Variants in CASK observed in about 807,000 individuals in gnomAD.
The protein encoded by CASK is calcium/calmodulin dependent serine protein kinase.
A neutral mutation model predicts 82.9 loss-of-function variants in CASK; 4 were observed. The ratio of observed to expected loss-of-function variants is 0.05; its 90% CI spans 0.02 to 0.11. The LOEUF is 0.11. Ranked by LOEUF, CASK falls within the 10% of genes least tolerant of loss-of-function variation. The probability of loss-of-function intolerance (pLI) is 1.00; values close to 1 mark genes in which losing one functional copy is unlikely to be tolerated. For missense variants in CASK, 358 were observed against 720.9 expected, an observed-to-expected ratio of 0.50 and a Z score of 5.76; for synonymous variants, 259 against 253.5, an observed-to-expected ratio of 1.02 and a Z score of -0.20.
chrX:41,547,226 G>A (rs1408144361), intron 21 of CASK, among the ~76,000 whole-genome samples: 1 of 112,116 alleles, frequency 8.9e-6, no homozygotes, highest in Non-Finnish European at 1.9e-5. Context: ...GAGCCACTGC[G>A]CCTGGCTTTA....
chrX:41,722,299 C>T (rs2068181053), intron 5 of CASK, among the ~76,000 whole-genome samples: 1 of 112,081 alleles, frequency 8.9e-6, no homozygotes, highest in South Asian at 3.7e-4. Flanking sequence ...ATTTACCCGT[C>T]CCACACTGAT....
chrX:41,636,913 A>G (rs1273627821), intron 8 of CASK, among the ~76,000 whole-genome samples: 1 of 111,438 alleles, frequency 9.0e-6, no homozygotes, highest in Non-Finnish European at 1.9e-5. Flanking sequence ...TTTCATATAT[A>G]TGGCTATGTG....
At chrX:41,532,490 C>T (rs894633920) in intron 24 of CASK, among the ~76,000 whole-genome samples, 3 of 111,792 alleles carry the variant, frequency 2.7e-5, no homozygotes, top group Admixed American at 1.9e-4. Flanking sequence ...GACCAGTATC[C>T]TGCAAAACAC....
chrX:41,609,082 T>TGTACATATA (rs2066000990), intron 12 of CASK, among the ~76,000 whole-genome samples: 1 of 112,217 alleles, frequency 8.9e-6, no homozygotes, highest in Non-Finnish European at 1.9e-5. Flanking sequence ...CCTGCTAGGC[T>TGTACATATA]CTGTTGCATT....
At chrX:41,734,343 G>A (rs1240903011) in intron 5 of CASK, among the ~76,000 whole-genome samples, 3 of 111,719 alleles carry the variant, frequency 2.7e-5, no homozygotes, top group Non-Finnish European at 5.6e-5. Flanking sequence ...AGTTAGGAGA[G>A]AGGAGAAAAT....
chrX:41,777,703 A>G (rs1488390856), intron 3 of CASK, among the ~76,000 whole-genome samples: 1 of 111,164 alleles, frequency 9.0e-6, no homozygotes, highest in East Asian at 2.8e-4. Context: ...CTTGGGTTAT[A>G]GTTACATGGT....
intron 5 of CASK, chrX:41,683,345 A>G (rs992596628): frequency 9.0e-6 from 1 of 111,635 alleles, no homozygotes; most frequent in Non-Finnish European, 1.9e-5. Context: ...ATTGATGCCA[A>G]ACTTCATGTG....
intron 26 of CASK, among the ~76,000 whole-genome samples, chrX:41,521,500 A>G (rs997908042): frequency 8.9e-6 from 1 of 112,328 alleles, no homozygotes; most frequent in Middle Eastern, 4.2e-3. Context: ...TGTAAGAGGG[A>G]TCCAACAGGA....
At chrX:41,906,203 T>C (rs1401219289) in intron 1 of CASK, among the ~76,000 whole-genome samples, 1 of 112,239 alleles carries the variant, frequency 8.9e-6, no homozygotes, top group African/African-American at 3.2e-5. Flanking sequence ...GATTCAACTA[T>C]ATACTGAACA....
chrX:41,751,147 A>G (rs1245842214), intron 3 of CASK, among the ~76,000 whole-genome samples: 1 of 112,022 alleles, frequency 8.9e-6, no homozygotes, highest in African/African-American at 3.2e-5. Flanking sequence ...CAGGGGCACA[A>G]TCATGGCTCA....
chrX:41,901,802 G>C (rs2072386637), intron 1 of CASK, among the ~76,000 whole-genome samples: 1 of 112,064 alleles, frequency 8.9e-6, no homozygotes, highest in Admixed American at 9.4e-5. Flanking sequence ...GTATTCACAG[G>C]GGCCAGTGTG....
chrX:41,834,511 T>C (rs1318365644), intron 2 of CASK, among the ~76,000 whole-genome samples: 1 of 111,888 alleles, frequency 8.9e-6, no homozygotes, highest in Admixed American at 9.5e-5. Context: ...AGTTGCCTGT[T>C]AATCAAACTG....
At chrX:41,813,113 C>T (rs1423000602) in intron 2 of CASK, among the ~76,000 whole-genome samples, 1 of 111,625 alleles carries the variant, frequency 9.0e-6, no homozygotes, top group Admixed American at 9.5e-5. Flanking sequence ...AATGGAAGAA[C>T]ATTCCATGCT....
chrX:41,874,786 C>T (rs1429226218), intron 1 of CASK, among the ~76,000 whole-genome samples: 1 of 112,389 alleles, frequency 8.9e-6, no homozygotes, highest in Non-Finnish European at 1.9e-5. Context: ...AAAGTGATCA[C>T]TCAGCTAAAA....
intron 1 of CASK, among the ~76,000 whole-genome samples, chrX:41,919,622 G>A (rs184663082): frequency 2.7e-5 from 3 of 111,605 alleles, no homozygotes; most frequent in Non-Finnish European, 3.8e-5. Flanking sequence ...TCCAGTAATC[G>A]CTACATTTGC....
chrX:41,607,142 C>G (rs1340928429), intron 12 of CASK, among the ~76,000 whole-genome samples: 2 of 112,606 alleles, frequency 1.8e-5, no homozygotes, highest in Non-Finnish European at 3.7e-5. Context: ...ATGTTTTTCT[C>G]ACTAACATCT....
At chrX:41,602,096 A>T (rs2065900889) in intron 12 of CASK, among the ~76,000 whole-genome samples, 1 of 111,825 alleles carries the variant, frequency 8.9e-6, no homozygotes, top group Non-Finnish European at 1.9e-5. Flanking sequence ...CTTTTTCAAA[A>T]TTGTTTTGGC....
At position 41,923,005 on chromosome X, in the gene CASK, C is replaced by A; in HGVS notation, c.-17G>T. On this transcript the variant is annotated 5_prime_UTR_variant, in exon 1 of 27. Coordinates refer to ENST00000378163, the MANE Select transcript of CASK (RefSeq NM_001367721.1). ...GTCGGCCATGGTCCGGAGGGGATAG[C>A]GGCCGCAGCGTGGAGGGCTTCGAAA... The A allele has an allele frequency of 8.3e-7, 1 of 1,205,793 alleles. No homozygotes were observed. Among genetic ancestry groups the A allele is most frequent in the Non-Finnish European group, 1.1e-6 (1 of 890,447 alleles).
chrX:41,696,675 G>A (rs1220966344), intron 5 of CASK: 1 of 1,207,144 alleles, frequency 8.3e-7, no homozygotes, highest in Non-Finnish European at 1.1e-6. Flanking sequence ...ACGATTTCAA[G>A]GTGAACCAAG....
Sources: gnomAD v4.1 joint callset for allele counts (sites outside exome capture counted in the v4.1 genomes callset) on GRCh38, gnomAD v4.1.1 for gene constraint, MANE v1.5 for transcripts, NCBI Gene and HGNC (gene_info 2026-07-23, HGNC 2026-07-21) for gene names.